ALG12: variants seen among roughly 807,000 people sequenced by gnomAD.
ALG12 encodes the protein ALG12 alpha-1,6-mannosyltransferase.
In ALG12, 36 loss-of-function variants were observed where a neutral mutation model predicts 46.0. The ratio of observed to expected loss-of-function variants is 0.78; its 90% CI spans 0.60 to 1.03. The LOEUF (loss-of-function observed/expected upper bound fraction) is 1.03. Among genes scored for constraint, ALG12 ranks in the 50% least tolerant of loss-of-function variants. The pLI is 0.00. For missense variants in ALG12, 599 were observed against 633.5 expected, an observed-to-expected ratio of 0.95 and a Z score of 0.58; for synonymous variants, 326 against 291.6, an observed-to-expected ratio of 1.12 and a Z score of -1.20.
chr22:49,865,446 C>T, the ALG12 span, among the ~76,000 whole-genome samples: 4 of 151,302 alleles, frequency 2.6e-5, no homozygotes, highest in East Asian at 7.8e-4. Context: ...TTCAGGAGTT[C>T]GAGACCCGCC....
At chr22:49,896,304 G>T (rs2060483394), downstream of ALG12, among the ~76,000 whole-genome samples, 1 of 152,216 alleles carries the variant, frequency 6.6e-6, no homozygotes, top group East Asian at 1.9e-4. Context: ...TTTTTCTTCA[G>T]GAAATAAAGG....
At chr22:49,862,353 C>CCGTGG in the ALG12 span, among the ~76,000 whole-genome samples, 1 of 152,250 alleles carries the variant, frequency 6.6e-6, no homozygotes, top group Non-Finnish European at 1.5e-5. Flanking sequence ...AAGTCTCTCA[C>CCGTGG]CGTGGCCTGC....
chr22:49,884,920 A>G, the ALG12 span: 1,240,793 of 1,605,264 alleles, frequency 0.77, 491,664 homozygotes, highest in East Asian at 0.86. Flanking sequence ...TTCCGATGAC[A>G]TAGGGGAGGC....
At chr22:49,875,073 G>A in the ALG12 span, among the ~76,000 whole-genome samples, 1 of 152,026 alleles carries the variant, frequency 6.6e-6, no homozygotes, top group South Asian at 2.1e-4. Flanking sequence ...AATTTAATTT[G>A]TTACAGTTTT....
the ALG12 span, among the ~76,000 whole-genome samples, chr22:49,874,672 CTTTTTTTT>C: frequency 7.5e-4 from 28 of 37,314 alleles, no homozygotes; most frequent in East Asian, 9.3e-3. Flanking sequence ...CATGCCCAGC[CTTTTTTTT>C]TTTTTTTTTT....
the ALG12 span, among the ~76,000 whole-genome samples, chr22:49,882,337 C>CA: frequency 6.6e-6 from 1 of 152,210 alleles, no homozygotes; most frequent in South Asian, 2.1e-4. Context: ...GGAGGGCTCA[C>CA]ACCTGGGAAG....
the ALG12 span, chr22:49,883,834 C>T: frequency 3.7e-6 from 6 of 1,610,478 alleles, no homozygotes; most frequent in South Asian, 2.2e-5. Flanking sequence ...CGGTGGGGAG[C>T]GAGCGGGCCT....
Position 49,909,966 on chromosome 22 carries a change from CCAG to C in ALG12, c.589_591del (p.Leu197del), listed in dbSNP as rs755202310. ...ACAGAAACCTTTCGGTTGCCCAAGG[CCAG>C]CAGCAGCAGGAGGCCCAGGAACAGG... On this transcript the variant is annotated inframe_deletion, in exon 5 of 10. Transcript: ENST00000330817. The C allele has an allele frequency of 1.2e-6, 2 of 1,614,066 alleles. No homozygotes were observed. The highest frequency in any genetic ancestry group is 1.7e-6 in the Non-Finnish European group (2 of 1,179,986).
the ALG12 span, among the ~76,000 whole-genome samples, chr22:49,894,852 T>C: frequency 6.6e-6 from 1 of 152,218 alleles, no homozygotes; most frequent in Non-Finnish European, 1.5e-5. Context: ...AGGGTAGCAG[T>C]GGGCAGTGTG....
chr22:49,909,444 C>A, intron 5 of ALG12, 97 bp from the exon 6 acceptor site: 1 of 1,264,540 alleles, frequency 7.9e-7, no homozygotes, highest in Non-Finnish European at 1.1e-6. Context: ...CTACAAGCTG[C>A]TTTCATATAA....
the ALG12 span, chr22:49,884,691 C>T: frequency 1.6e-4 from 253 of 1,599,968 alleles, no homozygotes; most frequent in Non-Finnish European, 1.9e-4. Flanking sequence ...TGCAGGAGAA[C>T]GGGGGCACGG....
At chr22:49,914,508 G>C (rs866653635) in intron 1 of ALG12, among the ~76,000 whole-genome samples, 1 of 152,324 alleles carries the variant, frequency 6.6e-6, no homozygotes, top group Middle Eastern at 3.4e-3. Context: ...ACTGGCAATG[G>C]GTCCCCCAAA....
the ALG12 span, among the ~76,000 whole-genome samples, chr22:49,865,534 G>T: frequency 6.6e-6 from 1 of 152,120 alleles, no homozygotes; most frequent in African/African-American, 2.4e-5. Context: ...TAAAATACAG[G>T]TGTGGTGGCA....
chr22:49,861,930 G>A, the ALG12 span, among the ~76,000 whole-genome samples: 1 of 152,162 alleles, frequency 6.6e-6, no homozygotes, highest in Non-Finnish European at 1.5e-5. Context: ...TGTAATTTTG[G>A]TGAGTGCTTC....
Position 49,906,465 on chromosome 22 carries a change from C to T in ALG12, c.992+1256G>A, listed in dbSNP as rs141778433. ...CCAACCCAGGCACGGCCACGGCAGC[C>T]GGAGGAACCCCCAGCGAGGAACAGT... On this transcript the variant is annotated intron_variant, in intron 7 of 9. Transcript: ENST00000330817. This position sits in a 1 kb window ranked among gnomAD's most constrained non-coding sequence, Gnocchi z 4.4. Among the ~76,000 whole-genome samples the T allele has an allele frequency of 2.6e-5, 4 of 152,252 alleles. No individual in the cohort carries two copies. The highest frequency in any genetic ancestry group is 6.5e-5 in the Admixed American group (1 of 15,302).
chr22:49,890,022 G>C, the ALG12 span: 2 of 167,026 alleles, frequency 1.2e-5, no homozygotes, highest in South Asian at 4.1e-4. Flanking sequence ...TAAAAAATTT[G>C]TGGAAATACT....
At chr22:49,884,459 C>T in the ALG12 span, 2 of 1,614,246 alleles carry the variant, frequency 1.2e-6, no homozygotes, top group Non-Finnish European at 1.7e-6. Context: ...TACGATGAAC[C>T]TGCAGAGAAC....
At chr22:49,898,292 G>A (rs1272841162), downstream of ALG12, among the ~76,000 whole-genome samples, 2 of 152,126 alleles carry the variant, frequency 1.3e-5, no homozygotes, top group Admixed American at 1.3e-4. Context: ...GCAGGCGTGA[G>A]CCACCACACC....
chr22:49,859,931 A>G, the ALG12 span, among the ~76,000 whole-genome samples: 3,734 of 76,242 alleles, frequency 0.049, no homozygotes, highest in Middle Eastern at 0.11. Flanking sequence ...GGAGGCTGAG[A>G]TGGGAGGATC....
Sources: gnomAD v4.1 joint callset for allele counts (sites outside exome capture counted in the v4.1 genomes callset) on GRCh38, gnomAD v4.1.1 for gene constraint, Gnocchi (gnomAD v3.1) non-coding constraint, MANE v1.5 for transcripts, NCBI Gene and HGNC (gene_info 2026-07-23, HGNC 2026-07-21) for gene names.